The following ATP13A4 variants were observed in gnomAD, a reference collection of about 807,000 sequenced individuals.
ATP13A4 encodes the protein probable cation-transporting ATPase 13A4.
In ATP13A4, 114 loss-of-function variants were observed where a neutral mutation model predicts 142.5. The observed-to-expected ratio is 0.80, with a 90% CI of 0.69 to 0.93. The LOEUF (loss-of-function observed/expected upper bound fraction) is 0.93. Ranked by LOEUF, ATP13A4 falls within the 40% of genes least tolerant of loss-of-function variation. ATP13A4 has a pLI of 0.00. For synonymous variants in ATP13A4, 488 were observed against 514.8 expected, an observed-to-expected ratio of 0.95 and a Z score of 0.70; for missense variants, 1,392 against 1,454.0, an observed-to-expected ratio of 0.96 and a Z score of 0.69.
intron 3 of ATP13A4, among the ~76,000 whole-genome samples, chr3:193,501,529 A>T (rs920306096): frequency 3.3e-5 from 5 of 151,350 alleles, no homozygotes; most frequent in Non-Finnish European, 5.9e-5. Flanking sequence ...TGGAGGTTGC[A>T]GTGAGCCAAG....
At chr3:193,573,290 C>CTTATATATATGT (rs1279066051) in intron 2 of ATP13A4, among the ~76,000 whole-genome samples, 4 of 109,994 alleles carry the variant, frequency 3.6e-5, no homozygotes, top group Admixed American at 2.7e-4. Context: ...TATATATATA[C>CTTATATATATGT]ACATATATAT....
At chr3:193,434,779 T>A (rs1355888940) in intron 24 of ATP13A4, among the ~76,000 whole-genome samples, 1 of 151,902 alleles carries the variant, frequency 6.6e-6, no homozygotes, top group Non-Finnish European at 1.5e-5. Flanking sequence ...TGTGCATGTT[T>A]TTTTCTCTTT....
intron 2 of ATP13A4, among the ~76,000 whole-genome samples, chr3:193,566,058 T>A (rs73063970): frequency 6.6e-6 from 1 of 152,100 alleles, no homozygotes; most frequent in Non-Finnish European, 1.5e-5. Flanking sequence ...AGATATAGAA[T>A]GCAGTGCCCA....
At position 193,528,642 on chromosome 3, in the gene ATP13A4, G is replaced by A. The variant is rs536803230; in HGVS notation, c.61-13771C>T. Among the ~76,000 whole-genome samples the A allele has an allele frequency of 3.8e-4, 58 of 152,290 alleles. 1 individual carries two copies. The highest frequency in any genetic ancestry group is 1.3e-3 in the African/African-American group (55 of 41,566). Reference sequence around the variant, plus strand: ...TGAAGGGAAATTCGAGACATTAAATGCTGGGCAAGACAATTACAATGTTAT... The same window carrying A: ...TGAAGGGAAATTCGAGACATTAAATACTGGGCAAGACAATTACAATGTTAT... On this transcript the variant is annotated intron_variant, in intron 1 of 29. Transcript: ENST00000342695.
At chr3:193,458,878 C>T in intron 14 of ATP13A4, 1 of 682,858 alleles carries the variant, frequency 1.5e-6, no homozygotes. Flanking sequence ...CTCATTTAAT[C>T]CTCACAATCT....
chr3:193,466,144 G>A lies in ATP13A4; in HGVS notation c.1153C>T (p.Leu385Phe). 2 of 1,614,110 alleles carry A rather than the reference G, an allele frequency of 1.2e-6. No homozygotes were observed. The highest frequency in any genetic ancestry group is 1.7e-6 in the Non-Finnish European group (2 of 1,179,980). The change falls in exon 11 of 30, where the codon CTC (leucine) becomes TTC (phenylalanine). Residue 385 changes from leucine (L) to phenylalanine (F), a missense_variant. Leu to Phe is a conservative substitution (Grantham distance 22). Coordinates refer to ENST00000342695, the MANE Select transcript of ATP13A4 (RefSeq NM_032279.4). ...TGAAAATTCACTGGCTTAGGGTAGA[G>A]AATGGATCTCACAAGGTCTCCCTTT... Reference protein sequence around the residue: ...TAKGDLVRSILYPKPVNFQLY... With the variant: ...TAKGDLVRSIFYPKPVNFQLY...
In ATP13A4 at chr3:193,459,081, C is replaced by A. The variant is rs758247136; in HGVS notation, c.1674G>T (p.Trp558Cys). 1 of 1,614,094 alleles carries A rather than the reference C, an allele frequency of 6.2e-7. No homozygotes were observed. Among genetic ancestry groups the A allele is most frequent in the Non-Finnish European group, 8.5e-7 (1 of 1,180,034 alleles). The change falls in exon 14 of 30, where the codon TGG becomes TGT. Residue 558 changes from tryptophan to cysteine, a missense_variant and splice_region_variant. Trp to Cys is a radical substitution (Grantham distance 215). Transcript: ENST00000342695. ...GATTCTCTGAAGAGCAGAGGCTTAC[C>A]CAGGTGGTGGCTTCAAACATTTTGA... ...LDLKMFEATT[W>C]EMAFSGDDFH...
At chr3:193,425,856 A>T (rs1715632812) in intron 25 of ATP13A4, among the ~76,000 whole-genome samples, 1 of 151,782 alleles carries the variant, frequency 6.6e-6, no homozygotes, top group South Asian at 2.1e-4. Context: ...CAAAATTGCT[A>T]AAAAAGAGAA....
At chr3:193,510,640 A>G (rs1721095534) in intron 2 of ATP13A4, among the ~76,000 whole-genome samples, 1 of 152,224 alleles carries the variant, frequency 6.6e-6, no homozygotes, top group African/African-American at 2.4e-5. Context: ...TATCTTTTGG[A>G]AAAATCTCTC....
intron 13 of ATP13A4, among the ~76,000 whole-genome samples, chr3:193,460,972 T>C (rs1717913497): frequency 6.6e-6 from 1 of 152,230 alleles, no homozygotes; most frequent in Non-Finnish European, 1.5e-5. Flanking sequence ...AGTCAGGTGC[T>C]CACTTCTTAC....
upstream of ATP13A4, chr3:193,554,970 G>A (rs1723826995): frequency 1.9e-6 from 3 of 1,540,188 alleles, no homozygotes; most frequent in Non-Finnish European, 2.6e-6. Flanking sequence ...ACAATACTTG[G>A]CAAACTGAAC....
rs1038761790 is a variant in ATP13A4 at position 193,482,796 on chromosome 3, A to G, written c.808+1140T>C. Among the ~76,000 whole-genome samples the G allele has an allele frequency of 2.0e-5, 3 of 152,228 alleles. 1 individual carries two copies. The highest frequency in any genetic ancestry group is 7.2e-5 in the African/African-American group (3 of 41,462). ...GCACCTGGAACTCTCATACACTGCTAGTGTAAAACGGCGCCACTGCGTTGG... is the reference window on the plus strand; with the variant it reads ...GCACCTGGAACTCTCATACACTGCTGGTGTAAAACGGCGCCACTGCGTTGG... On this transcript the variant is annotated intron_variant, in intron 8 of 29. Coordinates refer to ENST00000342695, the MANE Select transcript of ATP13A4 (RefSeq NM_032279.4).
chr3:193,519,626 ATTTTTTTTTTTTT>A (rs147173408), intron 1 of ATP13A4, among the ~76,000 whole-genome samples: 6 of 69,040 alleles, frequency 8.7e-5, no homozygotes, highest in East Asian at 4.8e-4. Flanking sequence ...GCAATTTGTA[ATTTTTTTTTTTTT>A]TTTTTTTTTT....
intron 2 of ATP13A4, among the ~76,000 whole-genome samples, chr3:193,580,824 A>G (rs796832873): frequency 1.2e-4 from 19 of 152,340 alleles, no homozygotes; most frequent in African/African-American, 3.8e-4. Context: ...ACTTCAAAAC[A>G]GAAAGAAAAA....
chr3:193,411,936 C>T (rs1362515771), intron 27 of ATP13A4, among the ~76,000 whole-genome samples: 2 of 152,146 alleles, frequency 1.3e-5, no homozygotes, highest in African/African-American at 4.8e-5. Flanking sequence ...AAGAAAGACA[C>T]CCAGAGGCAA....
chr3:193,445,936 G>C (rs551051042), intron 18 of ATP13A4, among the ~76,000 whole-genome samples: 1 of 149,802 alleles, frequency 6.7e-6, no homozygotes, highest in African/African-American at 2.5e-5. Flanking sequence ...GCATTGTTGA[G>C]ACCTGAGATT....
At chr3:193,428,558 T>C (rs566034848) in intron 25 of ATP13A4, among the ~76,000 whole-genome samples, 14 of 152,062 alleles carry the variant, frequency 9.2e-5, no homozygotes, top group African/African-American at 3.4e-4. Context: ...CCAACAATGA[T>C]AGACTGGATT....
chr3:193,592,147 G>A (rs1170350823), intron 1 of ATP13A4, among the ~76,000 whole-genome samples: 1 of 115,544 alleles, frequency 8.7e-6, no homozygotes. Context: ...TGGGTGGGGG[G>A]CGGGTAGTGG....
At chr3:193,450,673 C>T (rs748789095) in intron 17 of ATP13A4, among the ~76,000 whole-genome samples, 6 of 152,182 alleles carry the variant, frequency 3.9e-5, no homozygotes, top group Non-Finnish European at 8.8e-5. Flanking sequence ...GCAATAACTA[C>T]TTAGCATACC....
Sources: gnomAD v4.1 joint callset for allele counts (sites outside exome capture counted in the v4.1 genomes callset) on GRCh38, gnomAD v4.1.1 for gene constraint, MANE v1.5 for transcripts, NCBI Gene and HGNC (gene_info 2026-07-23, HGNC 2026-07-21) for gene names.